The following STK33 variants were observed in gnomAD, a reference collection of about 807,000 sequenced individuals.
STK33 encodes the protein serine/threonine kinase 33, also known as serine/threonine-protein kinase 33.
STK33 carries 52 observed loss-of-function variants against 58.0 expected under a neutral mutation model. The observed-to-expected ratio is 0.90, with a 90% CI of 0.72 to 1.13. The LOEUF is 1.13. Ranked by LOEUF, STK33 falls within the 50% of genes most tolerant of loss-of-function variation. The pLI, the probability that STK33 is intolerant of heterozygous loss-of-function variation, is 0.00. For synonymous variants in STK33, 215 were observed against 200.1 expected (o/e 1.07, Z -0.63); for missense variants, 630 against 604.2 (o/e 1.04, Z -0.45).
At chr11:8,515,093 C>G (rs1475199440) in intron 1 of STK33, among the ~76,000 whole-genome samples, 1 of 151,692 alleles carries the variant, frequency 6.6e-6, no homozygotes, top group Non-Finnish European at 1.5e-5. Flanking sequence ...TAAAATGCAT[C>G]CAGATTAAAT....
At chr11:8,392,829 G>T in intron 15 of STK33, 119 bp from the exon 16 acceptor site, 1 of 809,258 alleles carries the variant, frequency 1.2e-6, no homozygotes, top group Non-Finnish European at 1.9e-6. Context: ...TAGATATAGG[G>T]TCCAAACTAG....
chr11:8,355,699 G>A, the STK33 span, among the ~76,000 whole-genome samples: 1 of 152,220 alleles, frequency 6.6e-6, no homozygotes, highest in Non-Finnish European at 1.5e-5. Context: ...AGGCCACTAA[G>A]CTTTTCTGAA....
At chr11:8,409,928 T>C (rs1435716908) in intron 15 of STK33, among the ~76,000 whole-genome samples, 1 of 151,944 alleles carries the variant, frequency 6.6e-6, no homozygotes, top group Non-Finnish European at 1.5e-5. Context: ...TCATAAAGCT[T>C]GTAAGTGGTG....
chr11:8,495,510 C>T (rs570685158), intron 1 of STK33, among the ~76,000 whole-genome samples: 9 of 152,270 alleles, frequency 5.9e-5, no homozygotes, highest in African/African-American at 2.2e-4. Flanking sequence ...GGAGTGTAAA[C>T]TAGTTCAACC....
chr11:8,424,483 T>C (rs1231518023), intron 14 of STK33, among the ~76,000 whole-genome samples: 1 of 151,852 alleles, frequency 6.6e-6, no homozygotes, highest in African/African-American at 2.4e-5. Context: ...GCATGATTTA[T>C]AATCCTTTGG....
At chr11:8,414,861 A>G (rs1233850339) in intron 14 of STK33, among the ~76,000 whole-genome samples, 1 of 152,112 alleles carries the variant, frequency 6.6e-6, no homozygotes, top group Non-Finnish European at 1.5e-5. Flanking sequence ...AGTCCATAGC[A>G]AGAGCCTACA....
At chr11:8,456,474 T>A (rs1176806464) in intron 9 of STK33, among the ~76,000 whole-genome samples, 3 of 152,206 alleles carry the variant, frequency 2.0e-5, no homozygotes, top group Non-Finnish European at 4.4e-5. Context: ...TTAATCTTTG[T>A]AATCTAGGAC....
intron 1 of STK33, among the ~76,000 whole-genome samples, chr11:8,532,628 G>T (rs1465609007): frequency 1.3e-5 from 2 of 152,168 alleles, no homozygotes; most frequent in Non-Finnish European, 2.9e-5. Flanking sequence ...CATGGCACAG[G>T]CTATCTGCAC....
At chr11:8,520,471 A>G (rs990253795) in intron 1 of STK33, among the ~76,000 whole-genome samples, 1 of 152,166 alleles carries the variant, frequency 6.6e-6, no homozygotes, top group Non-Finnish European at 1.5e-5. Context: ...CCTATTTAAC[A>G]TAGTGTTGGA....
chr11:8,472,806 C>T (rs1199503952), intron 6 of STK33, among the ~76,000 whole-genome samples: 1 of 152,148 alleles, frequency 6.6e-6, no homozygotes, highest in East Asian at 1.9e-4. Flanking sequence ...GCCTCACTAT[C>T]AAGGAAGTGA....
the STK33 span, among the ~76,000 whole-genome samples, chr11:8,382,167 C>T: frequency 6.6e-6 from 1 of 152,232 alleles, no homozygotes; most frequent in Non-Finnish European, 1.5e-5. Context: ...CAGCGAGGAA[C>T]ATCGGAGGAC....
At chr11:8,470,388 G>C (rs1218990776) in intron 6 of STK33, among the ~76,000 whole-genome samples, 1 of 152,158 alleles carries the variant, frequency 6.6e-6, no homozygotes. Flanking sequence ...CCTTGCTCTG[G>C]ATTAGGCTTT....
chr11:8,503,236 G>C (rs1951641068), intron 1 of STK33, among the ~76,000 whole-genome samples: 1 of 152,120 alleles, frequency 6.6e-6, no homozygotes. Flanking sequence ...ATCCACGGTA[G>C]ACTGGATAAA....
chr11:8,551,658 T>C (rs529161532), intron 1 of STK33, among the ~76,000 whole-genome samples: 1 of 152,188 alleles, frequency 6.6e-6, no homozygotes, highest in South Asian at 2.1e-4. Context: ...ACTTAAACGC[T>C]GGCTTGTCAT....
intron 1 of STK33, among the ~76,000 whole-genome samples, chr11:8,496,931 AT>A (rs1039818182): frequency 1.4e-4 from 22 of 152,162 alleles, no homozygotes; most frequent in African/African-American, 5.3e-4. Context: ...ACAAGTAATT[AT>A]TTTTACCATA....
chr11:8,504,093 G>C (rs1186078157), intron 1 of STK33, among the ~76,000 whole-genome samples: 1 of 152,066 alleles, frequency 6.6e-6, no homozygotes, highest in Admixed American at 6.6e-5. Context: ...ATACAAAATA[G>C]GAAAATTTTC....
intron 1 of STK33, among the ~76,000 whole-genome samples, chr11:8,548,081 C>A (rs1275155553): frequency 6.6e-6 from 1 of 151,588 alleles, no homozygotes; most frequent in Non-Finnish European, 1.5e-5. Flanking sequence ...TTAATGGATG[C>A]AGCACACCAA....
chr11:8,498,936 A>G (rs987500643), intron 1 of STK33, among the ~76,000 whole-genome samples: 1 of 152,240 alleles, frequency 6.6e-6, no homozygotes, highest in Non-Finnish European at 1.5e-5. Flanking sequence ...TTAACTCAAG[A>G]TGAATTAAAG....
chr11:8,343,647 C>T, the STK33 span, among the ~76,000 whole-genome samples: 2 of 152,194 alleles, frequency 1.3e-5, no homozygotes, highest in Admixed American at 1.3e-4. Flanking sequence ...GGGCTCCTGC[C>T]CTCATCAAGG....
Sources: gnomAD v4.1 joint callset for allele counts (sites outside exome capture counted in the v4.1 genomes callset) on GRCh38, gnomAD v4.1.1 for gene constraint, MANE v1.5 for transcripts, NCBI Gene and HGNC (gene_info 2026-07-23, HGNC 2026-07-21) for gene names.